The following RIN3 variants were observed in gnomAD, a reference collection of about 807,000 sequenced individuals.
RIN3 encodes Ras and Rab interactor 3, also known as RAB5 interacting protein 3.
RIN3 carries 54 observed loss-of-function variants against 76.3 expected under a neutral mutation model. The ratio of observed to expected loss-of-function variants is 0.71; its 90% CI spans 0.57 to 0.89. The LOEUF is 0.89. Among genes scored for constraint, RIN3 ranks in the 40% least tolerant of loss-of-function variants. The probability of loss-of-function intolerance (pLI) is 0.00; values close to 1 mark genes in which losing one functional copy is unlikely to be tolerated. For synonymous variants in RIN3, 576 were observed against 564.0 expected (o/e 1.02, Z -0.30); for missense variants, 1,256 against 1,322.1 (o/e 0.95, Z 0.78).
chr14:92,622,597 C>A (rs1886220376), intron 4 of RIN3, among the ~76,000 whole-genome samples: 1 of 152,148 alleles, frequency 6.6e-6, no homozygotes, highest in African/African-American at 2.4e-5. Context: ...TTTTCTTATC[C>A]CTAACGCAGA....
intron 3 of RIN3, among the ~76,000 whole-genome samples, chr14:92,589,392 G>A (rs1041432147): frequency 5.3e-5 from 8 of 151,982 alleles, no homozygotes; most frequent in South Asian, 2.1e-4. Context: ...GCTTTATGTC[G>A]CATACAACAT....
At chr14:92,633,176 G>C (rs373716888) in intron 4 of RIN3, among the ~76,000 whole-genome samples, 1 of 152,136 alleles carries the variant, frequency 6.6e-6, no homozygotes, top group Non-Finnish European at 1.5e-5. Context: ...TGGAGATGCC[G>C]GGGTTTCCAT....
At chr14:92,618,384 C>G (rs1327611788) in intron 4 of RIN3, among the ~76,000 whole-genome samples, 1 of 152,092 alleles carries the variant, frequency 6.6e-6, no homozygotes, top group African/African-American at 2.4e-5. Context: ...AGCCTTACCC[C>G]AAGGGTTCCA....
chr14:92,608,089 T>G (rs377321773), intron 3 of RIN3, among the ~76,000 whole-genome samples: 3 of 152,318 alleles, frequency 2.0e-5, no homozygotes, highest in African/African-American at 7.2e-5. Context: ...ATATCTTGAT[T>G]GTGGTGACTG....
At chr14:92,589,838 A>T (rs1423485595) in intron 3 of RIN3, among the ~76,000 whole-genome samples, 3 of 152,232 alleles carry the variant, frequency 2.0e-5, no homozygotes, top group African/African-American at 7.2e-5. Context: ...AGTTGAAGTC[A>T]TCACTTGGTC....
intron 3 of RIN3, among the ~76,000 whole-genome samples, chr14:92,584,698 A>G (rs1884704205): frequency 6.6e-6 from 1 of 152,212 alleles, no homozygotes. Flanking sequence ...AAGGGAGGCT[A>G]GCACAGCTGC....
At chr14:92,650,429 C>T (rs1452831192) in intron 5 of RIN3, among the ~76,000 whole-genome samples, 1 of 152,254 alleles carries the variant, frequency 6.6e-6, no homozygotes, top group Non-Finnish European at 1.5e-5. Context: ...TCACGCGCAG[C>T]AAGAACGCCA....
intron 2 of RIN3, among the ~76,000 whole-genome samples, chr14:92,557,745 T>A (rs781632370): frequency 9.2e-5 from 14 of 151,994 alleles, no homozygotes; most frequent in South Asian, 2.1e-4. Flanking sequence ...AAAACCAGGG[T>A]CTCCTGCCAG....
intron 3 of RIN3, among the ~76,000 whole-genome samples, chr14:92,600,574 G>A (rs891108007): frequency 5.9e-5 from 9 of 152,218 alleles, no homozygotes; most frequent in African/African-American, 1.9e-4. Flanking sequence ...AGGATGGAGC[G>A]TGATTCCTCT....
Position 92,652,329 on chromosome 14 carries a change from G to A in RIN3, c.1280G>A (p.Arg427Gln), listed in dbSNP as rs74074811. ...GTSDGPEDTP[R>Q]ESTEQGQDTE... is the part of the protein sequence containing the mutation. ...TCAGACGGCCCTGAGGACACGCCCC[G>A]GGAGAGCACGGAGCAAGGCCAGGAC... The change falls in exon 6 of 10, where the codon CGG becomes CAG. Residue 427 changes from arginine (R) to glutamine (Q), a missense_variant. Around this residue, in one of 3 missense-constraint regions of RIN3, gnomAD observed 610 missense variants for 626.4 expected, o/e 0.97. Transcript: ENST00000216487. The surrounding 1 kb of genome is among the most constrained non-coding windows in gnomAD (Gnocchi z 6.4). The A allele has an allele frequency of 0.012, 19,143 of 1,604,332 alleles. 1,178 individuals carry two copies. In the African/African-American group the frequency reaches 0.16, roughly 13 times the overall value.
In RIN3 at chr14:92,642,661, G is replaced by A. The variant is rs558471058; in HGVS notation, c.532+1332G>A. Among the ~76,000 whole-genome samples the A allele has an allele frequency of 7.2e-4, 110 of 152,300 alleles. 2 individuals are homozygous for A. The highest frequency in any genetic ancestry group is 4.6e-4 in the Non-Finnish European group (31 of 68,024). The stretch of plus-strand genomic sequence containing the variant: ...CCAGAGGGCAGAACCAGATCACAGA[G>A]GAAGTGAGGGGCAGACCTGGGATCA... On this transcript the variant is annotated intron_variant, in intron 5 of 9. Transcript: ENST00000216487.
intron 4 of RIN3, among the ~76,000 whole-genome samples, chr14:92,629,383 C>T (rs1056651970): frequency 1.3e-5 from 2 of 152,214 alleles, no homozygotes; most frequent in African/African-American, 2.4e-5. Context: ...AAGTACACTC[C>T]ACAGTGTGGG....
At chr14:92,592,427 G>T (rs1225181466) in intron 3 of RIN3, among the ~76,000 whole-genome samples, 2 of 148,862 alleles carry the variant, frequency 1.3e-5, no homozygotes, top group South Asian at 2.2e-4. Context: ...AGGTACAGTT[G>T]TTCCTTGGTG....
intron 9 of RIN3, 41 bp from the exon 10 acceptor site, chr14:92,687,885 C>G: frequency 6.8e-7 from 1 of 1,478,926 alleles, no homozygotes; most frequent in Non-Finnish European, 9.0e-7. Context: ...CCTGAGGAGA[C>G]AGGGCCCCGC....
chr14:92,606,742 A>G (rs747893205), intron 3 of RIN3, among the ~76,000 whole-genome samples: 19 of 152,248 alleles, frequency 1.2e-4, no homozygotes, highest in Non-Finnish European at 2.4e-4. Context: ...CTATCATAAA[A>G]AAGATGGACA....
chr14:92,639,584 A>G (rs991781422), intron 4 of RIN3, among the ~76,000 whole-genome samples: 4 of 152,228 alleles, frequency 2.6e-5, no homozygotes, highest in Non-Finnish European at 5.9e-5. Context: ...GGGCCCTGGC[A>G]GTGCCACATT....
chr14:92,553,047 AATG>A (rs1475184916), intron 1 of RIN3, among the ~76,000 whole-genome samples: 1 of 129,096 alleles, frequency 7.7e-6, no homozygotes, highest in African/African-American at 2.9e-5. Context: ...AAAAAAAAAA[AATG>A]GGGATGAGCC....
intron 4 of RIN3, chr14:92,616,127 G>A (rs748966796): frequency 4.6e-5 from 7 of 152,292 alleles, no homozygotes; most frequent in African/African-American, 1.7e-4. Flanking sequence ...CACCTACCAG[G>A]ACCCTCCTGA....
chr14:92,660,204 G>A (rs1375724586), intron 7 of RIN3, among the ~76,000 whole-genome samples: 1 of 152,242 alleles, frequency 6.6e-6, no homozygotes, highest in African/African-American at 2.4e-5. Context: ...ATGGGGCATG[G>A]ACAAGTATCT....
Sources: allele counts gnomAD v4.1 joint callset (sites outside exome capture counted in the v4.1 genomes callset), GRCh38; gene constraint gnomAD v4.1.1; regional missense constraint gnomAD v4.1.1; non-coding constraint Gnocchi (gnomAD v3.1); transcripts MANE v1.5; gene names NCBI Gene and HGNC (gene_info 2026-07-23, HGNC 2026-07-21).